Variants in LPXN observed in about 807,000 individuals in gnomAD.
LPXN encodes the protein leupaxin.
A neutral mutation model predicts 45.6 loss-of-function variants in LPXN; 28 were observed. The observed-to-expected ratio is 0.61, with a 90% CI of 0.45 to 0.84. The LOEUF (loss-of-function observed/expected upper bound fraction) is 0.84, where lower values mean the gene tolerates loss of function less well. LPXN is among the 40% of genes least tolerant of loss of function. LPXN has a pLI of 0.00. For synonymous variants in LPXN, 166 were observed against 169.9 expected (o/e 0.98, Z 0.18); for missense variants, 459 against 475.0 (o/e 0.97, Z 0.31).
At chr11:58,545,764 T>C (rs150860854) in intron 7 of LPXN, among the ~76,000 whole-genome samples, 16 of 152,290 alleles carry the variant, frequency 1.1e-4, no homozygotes, top group African/African-American at 3.8e-4. Context: ...ATAAAAAACA[T>C]GGAACTTGCA....
chr11:58,550,010 G>T lies in LPXN; in HGVS notation c.623C>A (p.Ser208Tyr), dbSNP rs150040569. The T allele has an allele frequency of 1.2e-6, 2 of 1,614,220 alleles. No individual in the cohort carries two copies. The highest frequency in any genetic ancestry group is 2.7e-5 in the African/African-American group (2 of 75,054). ...AGCAGCGCAGTAAGCACAGCGTGGA[G>T]AAAAAAGTTGGTGGTAGTCGTTGGG... Reference protein sequence around the residue: ...YCPNDYHQLFSPRCAYCAAPI... With the variant: ...YCPNDYHQLFYPRCAYCAAPI... The change falls in exon 6 of 9, where the codon TCT (serine) becomes TAT (tyrosine). Residue 208 changes from serine to tyrosine, a missense_variant. By Grantham distance (144) the Ser-to-Tyr change is moderately radical (BLOSUM62 -2). Transcript: ENST00000395074.
chr11:58,565,720 C>T (rs942012831), intron 2 of LPXN, among the ~76,000 whole-genome samples: 16 of 152,048 alleles, frequency 1.1e-4, no homozygotes, highest in African/African-American at 3.4e-4. Context: ...CAGTGGCTAA[C>T]GCCTATCATC....
intron 3 of LPXN, among the ~76,000 whole-genome samples, chr11:58,556,956 C>T (rs1854223010): frequency 6.6e-6 from 1 of 152,088 alleles, no homozygotes; most frequent in African/African-American, 2.4e-5. Context: ...AGGTATTCAA[C>T]ACCATTAATC....
At chr11:58,545,517 G>T (rs527281207) in intron 7 of LPXN, among the ~76,000 whole-genome samples, 1 of 152,284 alleles carries the variant, frequency 6.6e-6, no homozygotes, top group East Asian at 1.9e-4. Flanking sequence ...AATGAAAAAT[G>T]CTGCTTAGGT....
At chr11:58,530,352 A>G (rs1853350840) in intron 7 of LPXN, among the ~76,000 whole-genome samples, 1 of 152,134 alleles carries the variant, frequency 6.6e-6, no homozygotes, top group African/African-American at 2.4e-5. Context: ...GGATACTAGA[A>G]TTTGGTGGAG....
At chr11:58,552,633 C>T (rs769124022) in intron 4 of LPXN, among the ~76,000 whole-genome samples, 8 of 152,174 alleles carry the variant, frequency 5.3e-5, no homozygotes, top group Admixed American at 3.3e-4. Context: ...TCTACTTATC[C>T]TACTTTTACT....
intron 7 of LPXN, among the ~76,000 whole-genome samples, chr11:58,537,314 T>C (rs1325032469): frequency 1.3e-5 from 2 of 152,142 alleles, no homozygotes. Context: ...ATATACACCA[T>C]GGAATAAAAT....
intron 2 of LPXN, among the ~76,000 whole-genome samples, chr11:58,570,272 C>T (rs550730225): frequency 2.3e-4 from 34 of 149,826 alleles, no homozygotes; most frequent in Admixed American, 4.0e-4. Context: ...CACTGCACTC[C>T]AGCCTTGGAG....
intron 3 of LPXN, among the ~76,000 whole-genome samples, chr11:58,561,770 G>A (rs1029665070): frequency 3.3e-5 from 5 of 152,184 alleles, no homozygotes; most frequent in African/African-American, 1.2e-4. Flanking sequence ...TTTTTAACTA[G>A]AGTCCTAGTG....
intron 7 of LPXN, among the ~76,000 whole-genome samples, chr11:58,536,926 G>C (rs934853077): frequency 6.6e-6 from 1 of 152,114 alleles, no homozygotes; most frequent in Non-Finnish European, 1.5e-5. Flanking sequence ...ATCATCACTG[G>C]TCATTAGAGA....
At chr11:58,574,756 C>T (rs1406417593) in intron 1 of LPXN, among the ~76,000 whole-genome samples, 3 of 152,210 alleles carry the variant, frequency 2.0e-5, no homozygotes, top group Non-Finnish European at 2.9e-5. Flanking sequence ...TTAAACACTA[C>T]CTTTTTCTCT....
intron 7 of LPXN, among the ~76,000 whole-genome samples, chr11:58,534,292 A>C (rs1381191266): frequency 6.6e-6 from 1 of 152,216 alleles, no homozygotes; most frequent in African/African-American, 2.4e-5. Context: ...CGCCTCAGCA[A>C]ATGCAAAAGA....
At chr11:58,568,246 T>C (rs1854581007) in intron 2 of LPXN, among the ~76,000 whole-genome samples, 2 of 152,216 alleles carry the variant, frequency 1.3e-5, no homozygotes, top group East Asian at 1.9e-4. Flanking sequence ...CTAGGTTTCA[T>C]CTGAACAGAA....
chr11:58,550,221 G>T, intron 5 of LPXN, 75 bp from the exon 6 acceptor site: 7 of 1,389,066 alleles, frequency 5.0e-6, no homozygotes, highest in Non-Finnish European at 7.1e-6. Flanking sequence ...CAACTCTAGG[G>T]AGCACTCTTC....
chr11:58,539,002 A>AAAAC (rs113298672), intron 7 of LPXN, among the ~76,000 whole-genome samples: 23 of 151,948 alleles, frequency 1.5e-4, no homozygotes, highest in African/African-American at 5.1e-4. Flanking sequence ...TCTTTAAAAA[A>AAAAC]AACAACAACA....
chr11:58,575,918 T>A, upstream of LPXN: 4 of 1,498,882 alleles, frequency 2.7e-6, no homozygotes, highest in Non-Finnish European at 3.5e-6. Context: ...GCTTAGCACT[T>A]CCTCTCTTTT....
chr11:58,565,018 G>A (rs1854486605), intron 2 of LPXN, among the ~76,000 whole-genome samples: 1 of 152,210 alleles, frequency 6.6e-6, no homozygotes, highest in African/African-American at 2.4e-5. Context: ...CAAGGACACA[G>A]GGACAGCAAG....
chr11:58,532,989 A>G (rs1853441160), intron 7 of LPXN, among the ~76,000 whole-genome samples: 1 of 152,002 alleles, frequency 6.6e-6, no homozygotes, highest in African/African-American at 2.4e-5. Context: ...GAACAACTCC[A>G]GATGGGAGGA....
At chr11:58,553,732 C>T (rs942693567) in intron 4 of LPXN, 3 of 152,252 alleles carry the variant, frequency 2.0e-5, no homozygotes, top group East Asian at 1.9e-4. Flanking sequence ...ATATCAAATC[C>T]TCCAACCAGA....
Sources: gnomAD v4.1 joint callset for allele counts (sites outside exome capture counted in the v4.1 genomes callset) on GRCh38, gnomAD v4.1.1 for gene constraint, MANE v1.5 for transcripts, NCBI Gene and HGNC (gene_info 2026-07-23, HGNC 2026-07-21) for gene names.